VHL: variants seen among roughly 807,000 people sequenced by gnomAD.
VHL encodes von Hippel-Lindau disease tumor suppressor.
Under a neutral mutation model 19.2 loss-of-function variants are expected in VHL, and 10 were observed. The ratio of observed to expected loss-of-function variants is 0.52; its 90% confidence interval spans 0.32 to 0.89. The LOEUF is 0.89. VHL is among the 40% of genes least tolerant of loss of function. VHL has a pLI of 0.03. For synonymous variants in VHL, 167 were observed against 129.5 expected, an observed-to-expected ratio of 1.29 and a Z score of -1.97; for missense variants, 328 against 292.7, an observed-to-expected ratio of 1.12 and a Z score of -0.88.
chr3:10,148,386 C>G (rs1168248014), intron 2 of VHL, among the ~76,000 whole-genome samples: 2 of 141,240 alleles, frequency 1.4e-5, no homozygotes, highest in African/African-American at 5.3e-5. Flanking sequence ...GGGATCTCGG[C>G]TCACTGCAAG....
In VHL at chr3:10,142,098, T is replaced by C. The variant is rs1264207864; in HGVS notation, c.251T>C (p.Val84Ala). 1.2e-6 allele frequency: 2 copies of C among 1,604,080 alleles called. No individual in the cohort carries two copies. Among genetic ancestry groups the C allele is most frequent in the Admixed American group, 1.7e-5 (1 of 59,972 alleles). The change falls in exon 1 of 3, where the codon GTG (valine) becomes GCG (alanine). Residue 84 changes from valine (V) to alanine (A), a missense_variant. Transcript: ENST00000256474. ...VIFCNRSPRV[V>A]LPVWLNFDGE... is the part of the protein sequence containing the mutation. ...TTCTGCAATCGCAGTCCGCGCGTCG[T>C]GCTGCCCGTATGGCTCAACTTCGAC...
chr3:10,150,161 T>C lies in VHL; in HGVS notation c.*196T>C. ...GTTTAGGGGCAAACATCACAAAATG[T>C]AATTTAATGCCTGCCCATTAGAGAA... On this transcript the variant is annotated 3_prime_UTR_variant, in exon 3 of 3. Coordinates refer to ENST00000256474, the MANE Select transcript of VHL (RefSeq NM_000551.4). 4.8e-6 allele frequency: 7 copies of C among 1,449,326 alleles called. No homozygotes were observed. The highest frequency in any genetic ancestry group is 6.3e-6 in the Non-Finnish European group (7 of 1,102,514). The allele number at this position is 1,449,326 out of a possible 1,614,324, so 89.8% of individuals were successfully genotyped here.
Position 10,141,876 on chromosome 3 carries a change from A to T in VHL, c.29A>T (p.Glu10Val), listed in dbSNP as rs786204065. The change falls in exon 1 of 3, where the codon GAG becomes GTG. Residue 10 changes from glutamate to valine, a missense_variant. By Grantham distance (121) the Glu-to-Val change is moderately radical. Transcript: ENST00000256474. ...CCCCGGAGGGCGGAGAACTGGGACG[A>T]GGCCGAGGTAGGCGCGGAGGAGGCA... MPRRAENWD[E>V]AEVGAEEAGV... The T allele has an allele frequency of 3.3e-6, 5 of 1,533,598 alleles. No individual in the cohort carries two copies. Among genetic ancestry groups the T allele is most frequent in the Non-Finnish European group, 4.4e-6 (5 of 1,138,092 alleles). 95.0% of individuals were successfully genotyped at this position (1,533,598 alleles called of 1,614,324 possible). A position where few individuals can be genotyped will look rare whatever the true frequency, so the allele number is the denominator to read the frequency against.
rs933174704 is a variant in VHL at position 10,141,810 on chromosome 3, C to T, written c.-38C>T. The T allele has an allele frequency of 5.9e-6, 9 of 1,536,264 alleles. No individual in the cohort carries two copies. In the Admixed American group the frequency reaches 1.4e-4, roughly 24 times the overall value. ...CGCCCCGCGTCCGACCCGCGGATCCCGCGGCGTCCGGCCCGGGTGGTCTGG... is the reference window on the plus strand; with the variant it reads ...CGCCCCGCGTCCGACCCGCGGATCCTGCGGCGTCCGGCCCGGGTGGTCTGG... On this transcript the variant is annotated 5_prime_UTR_variant, in exon 1 of 3. Transcript: ENST00000256474.
At position 10,149,868 on chromosome 3, in the gene VHL, G is replaced by C. The variant is rs749774529; in HGVS notation, c.545G>C (p.Arg182Thr). The C allele has an allele frequency of 6.2e-7, 1 of 1,614,190 alleles. No homozygotes were observed. Among genetic ancestry groups the C allele is most frequent in the South Asian group, 1.1e-5 (1 of 91,078 alleles). The change falls in exon 3 of 3, where the codon AGG (arginine) becomes ACG (threonine). Residue 182 changes from arginine (R) to threonine (T), a missense_variant. Coordinates refer to ENST00000256474, the MANE Select transcript of VHL (RefSeq NM_000551.4). ...AATTACAGGAGACTGGACATCGTCAGGTCGCTCTACGAAGATCTGGAAGAC... is the reference window on the plus strand; with the variant it reads ...AATTACAGGAGACTGGACATCGTCACGTCGCTCTACGAAGATCTGGAAGAC... ...PENYRRLDIVRSLYEDLEDHP... is the reference protein window; with the variant it reads ...PENYRRLDIVTSLYEDLEDHP...
chr3:10,146,196 C>T lies in VHL; in HGVS notation c.341-318C>T, dbSNP rs565758605. ...CTCTTTTTTTTTTTTTTTTTGGAGA[C>T]GGAGTCTTGCTCTGTCACCCAGGCT... On this transcript the variant is annotated intron_variant, in intron 1 of 2. Coordinates refer to ENST00000256474, the MANE Select transcript of VHL (RefSeq NM_000551.4). Among the ~76,000 whole-genome samples, 114 of 136,032 alleles carry T rather than the reference C, an allele frequency of 8.4e-4. 1 individual carries two copies. The South Asian group carries it at 0.018, about 22-fold the overall frequency. The allele number at this position is 136,032 out of a possible 152,430, so 89.2% of individuals were successfully genotyped here.
In VHL at chr3:10,152,481, CTTTTTTTTTTTTTTTTTT is replaced by C. The variant is rs71052299; in HGVS notation, c.*2528_*2545del. On this transcript the variant is annotated 3_prime_UTR_variant, in exon 3 of 3. Transcript: ENST00000256474. ...CTCCTTTCAACATTCAACAAATAGT[CTTTTTTTTTTTTTTTTTT>C]TTTTTTTTTTTGAGATGGAGTCTCA... Among the ~76,000 whole-genome samples, 3 of 64,516 alleles carry C rather than the reference CTTTTTTTTTTTTTTTTTT, an allele frequency of 4.7e-5. 1 individual carries two copies. The highest frequency in any genetic ancestry group is 6.4e-5 in the African/African-American group (1 of 15,584). The allele number at this position is 64,516 out of a possible 152,430, so 42.3% of individuals were successfully genotyped here.
intron 1 of VHL, among the ~76,000 whole-genome samples, chr3:10,146,081 T>C (rs1343461297): frequency 6.6e-6 from 1 of 152,100 alleles, no homozygotes; most frequent in East Asian, 1.9e-4. Flanking sequence ...AGAAGGGCTT[T>C]GTATAATATT....
At chr3:10,147,671 T>G (rs899251827) in intron 2 of VHL, among the ~76,000 whole-genome samples, 2 of 152,070 alleles carry the variant, frequency 1.3e-5, no homozygotes, top group Admixed American at 6.6e-5. Context: ...AGCCTGTTTT[T>G]TTTTTTTTTT....
At chr3:10,147,688 T>C (rs1422541603) in intron 2 of VHL, among the ~76,000 whole-genome samples, 3 of 151,858 alleles carry the variant, frequency 2.0e-5, no homozygotes, top group Admixed American at 6.6e-5. Flanking sequence ...TTTTAAATCA[T>C]TGAAGATTGG....
intron 1 of VHL, 53 bp from the exon 2 acceptor site, chr3:10,146,461 A>G: frequency 6.2e-7 from 1 of 1,609,226 alleles, no homozygotes; most frequent in Non-Finnish European, 8.5e-7. Flanking sequence ...GGTGTGGGCC[A>G]CCGTGCCCAG....
Position 10,141,949 on chromosome 3 carries a change from C to T in VHL, c.102C>T (p.Gly34=), listed in dbSNP as rs967421751. Residue 34 remains glycine, a synonymous_variant, in exon 1 of 3, where the codon GGC becomes GGT. Transcript: ENST00000256474. ...AAGAAGACGGCGGGGAGGAGTCGGG[C>T]GCCGAGGAGTCCGGCCCGGAAGAGT... The part of the protein sequence containing the change: ...GPEEDGGEES[G]AEESGPEESG... 4 of 1,543,230 alleles carry T rather than the reference C, an allele frequency of 2.6e-6. No individual in the cohort carries two copies. The highest frequency in any genetic ancestry group is 1.4e-5 in the African/African-American group (1 of 72,672).
chr3:10,148,523 C>T (rs1266232003), intron 2 of VHL, among the ~76,000 whole-genome samples: 1 of 151,200 alleles, frequency 6.6e-6, no homozygotes, highest in East Asian at 1.9e-4. Flanking sequence ...ACCGTTTTAG[C>T]CGGGATGGTC....
At chr3:10,143,932 G>T (rs944140813) in intron 1 of VHL, among the ~76,000 whole-genome samples, 1 of 152,126 alleles carries the variant, frequency 6.6e-6, no homozygotes, top group Non-Finnish European at 1.5e-5. Context: ...ATCTTGCCAT[G>T]GCCTTTAAGC....
In VHL at chr3:10,152,376, A is replaced by C. The variant is rs1159003071; in HGVS notation, c.*2411A>C. ...AGAGCAATACTCTTGTCTCAAAAAA[A>C]AAAAAAAATTCAAATCAGAGTGAAG... On this transcript the variant is annotated 3_prime_UTR_variant, in exon 3 of 3. Transcript: ENST00000256474. Among the ~76,000 whole-genome samples, 1 of 152,050 alleles carries C rather than the reference A, an allele frequency of 6.6e-6. No homozygotes were observed. The highest frequency in any genetic ancestry group is 1.5e-5 in the Non-Finnish European group (1 of 68,016).
chr3:10,144,767 T>A (rs11128507), intron 1 of VHL, among the ~76,000 whole-genome samples: 11,045 of 152,088 alleles, frequency 0.073, 995 homozygotes, highest in African/African-American at 0.21. Flanking sequence ...TTTTTTAAAA[T>A]TTTTTATTAT....
At chr3:10,144,642 G>C (rs1696209444) in intron 1 of VHL, among the ~76,000 whole-genome samples, 1 of 151,834 alleles carries the variant, frequency 6.6e-6, no homozygotes, top group South Asian at 2.1e-4. Flanking sequence ...TCCCAAAGTA[G>C]CTGGGACTAT....
rs1309285376 is a variant in VHL, at chr3:10,142,198, G to A, written c.340+11G>A. The A allele has an allele frequency of 4.4e-6, 7 of 1,595,726 alleles. No homozygotes were observed. In the Admixed American group the frequency reaches 1.2e-4, roughly 27 times the overall value. On this transcript the variant is annotated intron_variant, in intron 1 of 2. Transcript: ENST00000256474. Reference sequence around the variant, plus strand: ...TCCACAGCTACCGAGGTACGGGCCCGGCGCTTAGGCCCGACCCAGCAGGGA... The same window carrying A: ...TCCACAGCTACCGAGGTACGGGCCCAGCGCTTAGGCCCGACCCAGCAGGGA...
chr3:10,144,141 C>G lies in VHL; in HGVS notation c.340+1954C>G, dbSNP rs767933516. ...GAAATTGTATGAATTTTGTATTTTACTCCAAAATTTTTCTGTGCCCGATTT... is the reference window on the plus strand; with the variant it reads ...GAAATTGTATGAATTTTGTATTTTAGTCCAAAATTTTTCTGTGCCCGATTT... On this transcript the variant is annotated intron_variant, in intron 1 of 2. Transcript: ENST00000256474. 2.6e-5 allele frequency among the ~76,000 whole-genome samples: 4 copies of G among 152,012 alleles called. No homozygotes were observed. In the South Asian group the frequency reaches 8.3e-4, roughly 31 times the overall value.
Sources: gnomAD v4.1 joint callset for allele counts (sites outside exome capture counted in the v4.1 genomes callset) on GRCh38, gnomAD v4.1.1 for gene constraint, MANE v1.5 for transcripts, NCBI Gene and HGNC (gene_info 2026-07-23, HGNC 2026-07-21) for gene names.